PAIP2B: variants seen among roughly 807,000 people sequenced by gnomAD.
The protein encoded by PAIP2B is polyadenylate-binding protein-interacting protein 2B.
In PAIP2B, 13 loss-of-function variants were observed where a neutral mutation model predicts 17.0. The ratio of observed to expected loss-of-function variants is 0.76; its 90% CI spans 0.50 to 1.22. PAIP2B has a LOEUF of 1.22. Among genes scored for constraint, PAIP2B ranks in the 50% most tolerant of loss-of-function variants. PAIP2B has a pLI of 0.00. For missense variants in PAIP2B, 117 were observed against 144.5 expected (o/e 0.81, Z 0.98); for synonymous variants, 43 against 48.7 (o/e 0.88, Z 0.48).
chr2:71,211,258 C>CAA (rs34543785), intron 1 of PAIP2B, among the ~76,000 whole-genome samples: 35 of 126,986 alleles, frequency 2.8e-4, no homozygotes, highest in Middle Eastern at 4.0e-3. Flanking sequence ...AGACTTGTCT[C>CAA]AAAAAAAAAA....
At chr2:71,207,644 A>G (rs1335046869) in intron 1 of PAIP2B, among the ~76,000 whole-genome samples, 1 of 152,180 alleles carries the variant, frequency 6.6e-6, no homozygotes, top group African/African-American at 2.4e-5. Context: ...CCAGATGAAA[A>G]AAGGGTAGCT....
chr2:71,226,865 A>T (rs1468741074), intron 1 of PAIP2B, 63 bp downstream of exon 1: 1 of 152,536 alleles, frequency 6.6e-6, no homozygotes, highest in Non-Finnish European at 1.5e-5. Context: ...GGGCGCCCCC[A>T]GAGCCGGGAG....
At chr2:71,220,812 C>G (rs1468574585) in intron 1 of PAIP2B, among the ~76,000 whole-genome samples, 1 of 152,150 alleles carries the variant, frequency 6.6e-6, no homozygotes, top group Non-Finnish European at 1.5e-5. Flanking sequence ...GAAATCTTTC[C>G]CCAGCACTCC....
At chr2:71,221,971 G>A (rs1675594434) in intron 1 of PAIP2B, among the ~76,000 whole-genome samples, 1 of 152,202 alleles carries the variant, frequency 6.6e-6, no homozygotes, top group African/African-American at 2.4e-5. Flanking sequence ...CATGGGAGGG[G>A]ACAAATAAGG....
At chr2:71,200,154 G>T (rs145313046) in intron 2 of PAIP2B, among the ~76,000 whole-genome samples, 3 of 152,300 alleles carry the variant, frequency 2.0e-5, no homozygotes, top group East Asian at 3.9e-4. Flanking sequence ...AAAGTCAGAA[G>T]ACATTGTATC....
chr2:71,200,724 C>T (rs1674958010), intron 2 of PAIP2B, among the ~76,000 whole-genome samples: 1 of 152,070 alleles, frequency 6.6e-6, no homozygotes, highest in Non-Finnish European at 1.5e-5. Flanking sequence ...TGCACTCCCG[C>T]CTGGGTTACA....
chr2:71,190,245 A>C (rs357775), intron 2 of PAIP2B, among the ~76,000 whole-genome samples: 43,448 of 151,844 alleles, frequency 0.29, 6,512 homozygotes, highest in South Asian at 0.49. Context: ...ACATAGCATG[A>C]CCCTGCCTCT....
chr2:71,189,552 C>T (rs1261790726), intron 3 of PAIP2B, among the ~76,000 whole-genome samples: 1 of 152,168 alleles, frequency 6.6e-6, no homozygotes, highest in Non-Finnish European at 1.5e-5. Context: ...AATTGTTATC[C>T]TTAATCCCAA....
At chr2:71,205,227 T>G (rs889607987) in intron 1 of PAIP2B, among the ~76,000 whole-genome samples, 1 of 152,322 alleles carries the variant, frequency 6.6e-6, no homozygotes, top group South Asian at 2.1e-4. Context: ...ACTGATATGG[T>G]ATTGTCAATA....
intron 2 of PAIP2B, among the ~76,000 whole-genome samples, chr2:71,195,489 T>C (rs1201573867): frequency 6.6e-6 from 1 of 152,142 alleles, no homozygotes; most frequent in Non-Finnish European, 1.5e-5. Flanking sequence ...TTCTCCTAGG[T>C]TTTCTAGTTC....
chr2:71,208,429 C>A (rs183174200), intron 1 of PAIP2B, among the ~76,000 whole-genome samples: 1 of 150,602 alleles, frequency 6.6e-6, no homozygotes, highest in Non-Finnish European at 1.5e-5. Context: ...TTTCACCCCC[C>A]CAAAAAAAAA....
At chr2:71,200,705 T>C (rs1001416552) in intron 2 of PAIP2B, among the ~76,000 whole-genome samples, 6 of 152,080 alleles carry the variant, frequency 3.9e-5, no homozygotes, top group East Asian at 1.9e-4. Flanking sequence ...TGAGCCGAGA[T>C]TGAGCCACTG....
intron 1 of PAIP2B, among the ~76,000 whole-genome samples, chr2:71,211,654 T>C (rs4852771): frequency 0.51 from 77,012 of 150,880 alleles, 20,350 homozygotes; most frequent in Middle Eastern, 0.61. Context: ...TGAGAAGTCC[T>C]GTTTAATTTA....
chr2:71,218,924 T>C (rs1299307555), intron 1 of PAIP2B, among the ~76,000 whole-genome samples: 1 of 150,498 alleles, frequency 6.6e-6, no homozygotes, highest in African/African-American at 2.4e-5. Context: ...TTTTTCTTTT[T>C]TTTTTTTTTG....
intron 1 of PAIP2B, among the ~76,000 whole-genome samples, chr2:71,222,063 C>T (rs1206240735): frequency 6.6e-6 from 1 of 152,210 alleles, no homozygotes; most frequent in Non-Finnish European, 1.5e-5. Flanking sequence ...TTCTTTCACT[C>T]TTCACAATAT....
At chr2:71,226,713 A>G (rs1675739921) in intron 1 of PAIP2B, among the ~76,000 whole-genome samples, 1 of 152,092 alleles carries the variant, frequency 6.6e-6, no homozygotes, top group Non-Finnish European at 1.5e-5. Flanking sequence ...ATTGCTCCCG[A>G]GGGGCAGGGG....
chr2:71,193,592 G>A (rs183061618), intron 2 of PAIP2B, among the ~76,000 whole-genome samples: 17 of 152,218 alleles, frequency 1.1e-4, no homozygotes, highest in East Asian at 3.9e-4. Flanking sequence ...CAGTGGCTCC[G>A]CCTGTAATCC....
chr2:71,199,319 A>G (rs1674913798), intron 2 of PAIP2B, among the ~76,000 whole-genome samples: 3 of 152,130 alleles, frequency 2.0e-5, no homozygotes, highest in African/African-American at 7.2e-5. Context: ...CAACACTCAC[A>G]CATAATGAAT....
At chr2:71,219,277 A>G (rs1264639562) in intron 1 of PAIP2B, among the ~76,000 whole-genome samples, 3 of 151,660 alleles carry the variant, frequency 2.0e-5, no homozygotes, top group Non-Finnish European at 2.9e-5. Flanking sequence ...AAAGAATGTG[A>G]TTTCCTTTAT....
Sources: gnomAD v4.1 joint callset for allele counts (sites outside exome capture counted in the v4.1 genomes callset) on GRCh38, gnomAD v4.1.1 for gene constraint, MANE v1.5 for transcripts, NCBI Gene and HGNC (gene_info 2026-07-23, HGNC 2026-07-21) for gene names.